The following TTC28 variants were observed in gnomAD, a reference collection of about 807,000 sequenced individuals.
TTC28 encodes tetratricopeptide repeat domain 28.
A neutral mutation model predicts 198.0 loss-of-function variants in TTC28; 61 were observed. That is an observed-to-expected ratio of 0.31 (90% CI 0.25 to 0.38). The LOEUF (loss-of-function observed/expected upper bound fraction) is 0.38. TTC28 is among the 10% of genes least tolerant of loss of function. TTC28 has a pLI of 1.00. For synonymous variants in TTC28, 1,171 were observed against 1,297.8 expected (o/e 0.90, Z 2.10); for missense variants, 2,678 against 3,164.0 (o/e 0.85, Z 3.69).
At chr22:28,213,977 A>G (rs1214580303) in intron 5 of TTC28, among the ~76,000 whole-genome samples, 1 of 152,192 alleles carries the variant, frequency 6.6e-6, no homozygotes, top group Non-Finnish European at 1.5e-5. Context: ...ATAATGCCGC[A>G]TATCTACAAC....
chr22:28,365,026 C>CT (rs1206072204), intron 2 of TTC28, among the ~76,000 whole-genome samples: 1 of 152,118 alleles, frequency 6.6e-6, no homozygotes, highest in Non-Finnish European at 1.5e-5. Flanking sequence ...ACAGAGAAAT[C>CT]TTTTGTGAAA....
intron 12 of TTC28, among the ~76,000 whole-genome samples, chr22:28,061,781 A>G (rs1465364649): frequency 6.6e-6 from 1 of 152,156 alleles, no homozygotes; most frequent in Non-Finnish European, 1.5e-5. Context: ...TGATGGGGAT[A>G]GCATTGAATC....
Position 28,297,851 on chromosome 22 carries a change from G to C in TTC28, c.531C>G (p.Asp177Glu). ...GCTGCTGATAAGTGGGCTCGAGGGAGTCTGAAAATAAACAACAATAACAGC... is the reference window on the plus strand; with the variant it reads ...GCTGCTGATAAGTGGGCTCGAGGGACTCTGAAAATAAACAACAATAACAGC... Reference protein sequence around the residue: ...VEAAMKSPMRDSLEPTYQQLQ... With the variant: ...VEAAMKSPMRESLEPTYQQLQ... The change falls in exon 4 of 23, where the codon GAC becomes GAG. Residue 177 changes from aspartate to glutamate, a missense_variant and splice_region_variant. Transcript: ENST00000397906. 1 of 1,550,732 alleles carries C rather than the reference G, an allele frequency of 6.4e-7. No homozygotes were observed. The highest frequency in any genetic ancestry group is 8.7e-7 in the Non-Finnish European group (1 of 1,146,560).
At chr22:28,331,546 T>C (rs1233934388) in intron 2 of TTC28, among the ~76,000 whole-genome samples, 1 of 152,136 alleles carries the variant, frequency 6.6e-6, no homozygotes, top group Non-Finnish European at 1.5e-5. Context: ...TGTATATACA[T>C]ATAGCCTAAT....
chr22:27,982,792 C>T lies in TTC28; in HGVS notation c.6875G>A (p.Ser2292Asn), dbSNP rs371102203. 5.9e-4 allele frequency: 913 copies of T among 1,545,424 alleles called. No homozygotes were observed. Among genetic ancestry groups the T allele is most frequent in the Non-Finnish European group, 7.4e-4 (850 of 1,143,110 alleles). Residue 2292 changes from serine to asparagine, a missense_variant, in exon 23 of 23, where the codon AGC becomes AAC. Physicochemically the swap from Ser to Asn is conservative, Grantham distance 46. Coordinates refer to ENST00000397906, the MANE Select transcript of TTC28 (RefSeq NM_001145418.2). This position sits in a 1 kb window ranked among gnomAD's most constrained non-coding sequence, Gnocchi z 5.2. ...DQPLFKLKYP[S>N]SPYSAHISKS... ...GGAAATGTGAGCGCTGTAAGGAGAG[C>T]TGGGGTACTTCAGTTTAAAGAGAGG...
At chr22:28,321,075 G>A (rs921537078) in intron 2 of TTC28, among the ~76,000 whole-genome samples, 3 of 152,126 alleles carry the variant, frequency 2.0e-5, no homozygotes, top group African/African-American at 4.8e-5. Flanking sequence ...GAAGATAAAA[G>A]AAATATAGCA....
chr22:28,098,641 T>C (rs1402461115), intron 10 of TTC28, among the ~76,000 whole-genome samples: 3 of 152,130 alleles, frequency 2.0e-5, no homozygotes, highest in Admixed American at 1.3e-4. Flanking sequence ...CACTGACTTA[T>C]GTCTCTCCAC....
chr22:28,661,141 G>A (rs983484048), intron 1 of TTC28, among the ~76,000 whole-genome samples: 9 of 151,688 alleles, frequency 5.9e-5, no homozygotes, highest in East Asian at 4.0e-4. Flanking sequence ...AAAATTAGCC[G>A]TGTGTGGTGG....
intron 1 of TTC28, among the ~76,000 whole-genome samples, chr22:28,672,925 T>C (rs1014663561): frequency 7.2e-5 from 11 of 152,202 alleles, no homozygotes; most frequent in African/African-American, 2.4e-4. Flanking sequence ...AACTAACATA[T>C]AGTAATCTGG....
At chr22:28,445,767 T>C (rs1156615781) in intron 2 of TTC28, among the ~76,000 whole-genome samples, 1 of 152,108 alleles carries the variant, frequency 6.6e-6, no homozygotes, top group Non-Finnish European at 1.5e-5. Context: ...CAATCTCATC[T>C]AAGATAATAT....
chr22:28,675,179 TG>T (rs151159982), intron 1 of TTC28, among the ~76,000 whole-genome samples: 1 of 152,334 alleles, frequency 6.6e-6, no homozygotes, highest in Non-Finnish European at 1.5e-5. Flanking sequence ...GATAACTTTT[TG>T]TATCTATATA....
chr22:28,425,769 C>T (rs917637433), intron 2 of TTC28, among the ~76,000 whole-genome samples: 3 of 152,016 alleles, frequency 2.0e-5, no homozygotes, highest in Admixed American at 6.6e-5. Flanking sequence ...GGGCAAGCTG[C>T]GATGGAATGA....
intron 18 of TTC28, 187 bp downstream of exon 18, chr22:27,993,100 G>A (rs545455786): frequency 3.9e-5 from 24 of 617,834 alleles, no homozygotes; most frequent in African/African-American, 3.5e-4. Context: ...GAAACAGCAG[G>A]TAAATGGCAC....
At chr22:28,475,274 A>G (rs2048148814) in intron 2 of TTC28, among the ~76,000 whole-genome samples, 1 of 152,106 alleles carries the variant, frequency 6.6e-6, no homozygotes, top group Non-Finnish European at 1.5e-5. Flanking sequence ...CTATCCCAGC[A>G]GCTAAGGTCA....
intron 2 of TTC28, among the ~76,000 whole-genome samples, chr22:28,556,389 T>A (rs959613882): frequency 2.0e-5 from 3 of 152,170 alleles, no homozygotes; most frequent in Non-Finnish European, 4.4e-5. Flanking sequence ...CTTTCATTCT[T>A]AAAAGATCAT....
intron 2 of TTC28, among the ~76,000 whole-genome samples, chr22:28,504,111 T>A (rs1208315511): frequency 6.6e-6 from 1 of 152,206 alleles, no homozygotes; most frequent in African/African-American, 2.4e-5. Context: ...TTTCTTTTCC[T>A]ATGTTCTACA....
At chr22:28,014,598 A>G (rs1419948780) in intron 13 of TTC28, among the ~76,000 whole-genome samples, 1 of 152,244 alleles carries the variant, frequency 6.6e-6, no homozygotes, top group Non-Finnish European at 1.5e-5. Flanking sequence ...ACCGCAGGGT[A>G]AACCAGCTGC....
At chr22:28,292,118 A>G (rs1321436209) in intron 5 of TTC28, among the ~76,000 whole-genome samples, 1 of 151,968 alleles carries the variant, frequency 6.6e-6, no homozygotes, top group African/African-American at 2.4e-5. Flanking sequence ...TTGTTATGTA[A>G]TTGTTATACA....
intron 1 of TTC28, 79 bp downstream of exon 1, chr22:28,679,543 G>A (rs1374442292): frequency 6.1e-6 from 6 of 981,094 alleles, no homozygotes; most frequent in Non-Finnish European, 8.5e-6. Context: ...GCGCTCCTCT[G>A]CCGCTGAGGC....
Sources: allele counts gnomAD v4.1 joint callset (sites outside exome capture counted in the v4.1 genomes callset), GRCh38; gene constraint gnomAD v4.1.1; non-coding constraint Gnocchi (gnomAD v3.1); transcripts MANE v1.5; gene names NCBI Gene and HGNC (gene_info 2026-07-23, HGNC 2026-07-21).